GREP1: variants seen among roughly 807,000 people sequenced by gnomAD.
GREP1 encodes glycine rich extracellular protein 1.
chr16:2,990,499 C>T, intron 6 of GREP1, 53 bp from the exon 6 acceptor site: 1 of 399,434 alleles, frequency 2.5e-6, no homozygotes, highest in Non-Finnish European at 4.4e-6. Flanking sequence ...TGAGGCTCGC[C>T]CAGCCCCTGC....
rs2072393373 is a variant in GREP1, at chr16:2,990,547, C to T, written c.233-5C>T. ...TCCTGACTCCCTCCTGCCTTCTCGC[C>T]CCAGGGTTCAGGACCTTCGCAGGTG... On this transcript the variant is annotated splice_polypyrimidine_tract_variant and splice_region_variant and intron_variant, in intron 6 of 34. Transcript: ENST00000573315. 1 of 399,500 alleles carries T rather than the reference C, an allele frequency of 2.5e-6. No individual in the cohort carries two copies. The highest frequency in any genetic ancestry group is 3.6e-5 in the East Asian group (1 of 28,076). 24.7% of individuals were successfully genotyped at this position (399,500 alleles called of 1,614,324 possible). A position where few individuals can be genotyped will look rare whatever the true frequency, so the allele number is the denominator to read the frequency against.
At chr16:2,995,250 C>T (rs1017611471) in intron 13 of GREP1, 34 bp from the exon 15 acceptor site, 5 of 398,798 alleles carry the variant, frequency 1.3e-5, no homozygotes, top group African/African-American at 1.0e-4. Flanking sequence ...TTGGGGGCTC[C>T]TAGGTACCTC....
chr16:2,989,323 C>G lies in GREP1; in HGVS notation c.101-200C>G. 1 of 396,074 alleles carries G rather than the reference C, an allele frequency of 2.5e-6. No individual in the cohort carries two copies. Among genetic ancestry groups the G allele is most frequent in the East Asian group, 3.6e-5 (1 of 27,932 alleles). 24.5% of individuals were successfully genotyped at this position (396,074 alleles called of 1,614,324 possible). ...TCCTGTGACAGCAGGGAAACTGAGA[C>G]CTGGAAAGGGAGGTGGCATCCAGAT... On this transcript the variant is annotated intron_variant, in intron 2 of 34. Coordinates refer to ENST00000573315, the Ensembl canonical transcript of GREP1. The surrounding 1 kb of genome is among the most constrained non-coding windows in gnomAD (Gnocchi z 4.2).
exon 28 of GREP1, chr16:2,999,936 A>C (rs2072450341): frequency 7.5e-6 from 3 of 398,994 alleles, no homozygotes; most frequent in Non-Finnish European, 1.3e-5. Flanking sequence ...GACCGGGAGC[A>C]GAACCAGGTG....
At chr16:3,001,528 G>C (rs758095111) in intron 34 of GREP1, 33 bp from the exon 29 acceptor site, 1 of 399,086 alleles carries the variant, frequency 2.5e-6, no homozygotes, top group Non-Finnish European at 4.4e-6. Context: ...CCAGGGCCCC[G>C]CCCCTCCCTA....
In GREP1 at chr16:3,001,277, AC is replaced by A. The variant is rs2072460789; in HGVS notation, c.1532-3del. 3 of 399,134 alleles carry A rather than the reference AC, an allele frequency of 7.5e-6. No individual in the cohort carries two copies. The highest frequency in any genetic ancestry group is 7.1e-5 in the East Asian group (2 of 28,070). 24.7% of individuals were successfully genotyped at this position (399,134 alleles called of 1,614,324 possible). A position where few individuals can be genotyped will look rare whatever the true frequency, so the allele number is the denominator to read the frequency against. ...TGCTCCTGGTCTGTCTGTCTGTGCC[AC>A]AGGGGGCCCCGACGTGAAGAGAGGC... On this transcript the variant is annotated splice_polypyrimidine_tract_variant and splice_region_variant and intron_variant, in intron 33 of 34. Coordinates refer to ENST00000573315, the Ensembl canonical transcript of GREP1.
At chr16:3,001,908 A>C in exon 35 of GREP1, 2 of 345,214 alleles carry the variant, frequency 5.8e-6, no homozygotes, top group Non-Finnish European at 1.0e-5. Context: ...GTGACCGCCT[A>C]GCGGGGGAAC....
chr16:2,990,274 C>G (rs1458894155), intron 5 of GREP1, 152 bp downstream of exon 5: 1 of 397,972 alleles, frequency 2.5e-6, no homozygotes, highest in Non-Finnish European at 4.4e-6. Context: ...TCTTGTACCC[C>G]CACCTCAGCT....
chr16:3,001,768 C>G, exon 35 of GREP1: 2 of 397,412 alleles, frequency 5.0e-6, no homozygotes, highest in Non-Finnish European at 8.9e-6. Flanking sequence ...GCAGCCACCA[C>G]CCAGCACCTC....
intron 15 of GREP1, 48 bp from the exon 16 acceptor site, chr16:2,995,571 C>T: frequency 2.5e-6 from 1 of 398,734 alleles, no homozygotes; most frequent in East Asian, 3.6e-5. Flanking sequence ...CCCTTACCTC[C>T]ACCTCAACCA....
rs1242285218 is a variant in GREP1 at position 2,996,709 on chromosome 16, A to G, written c.745+4A>G. The G allele has an allele frequency of 3.5e-5, 14 of 398,792 alleles. No homozygotes were observed. In the East Asian group the frequency reaches 5.0e-4, roughly 14 times the overall value. The allele number at this position is 398,792 out of a possible 1,614,324, so 24.7% of individuals were successfully genotyped here. On this transcript the variant is annotated splice_donor_region_variant and intron_variant, in intron 20 of 34. Transcript: ENST00000573315. ...GGGATGAAGCCTCAGATGCCAGGTG[A>G]GGGGACTGCCTGTGTCTGTGGCCCC...
At chr16:2,998,751 A>G (rs1172571334) in intron 25 of GREP1, 97 bp from the exon 24 acceptor site, 1 of 398,784 alleles carries the variant, frequency 2.5e-6, no homozygotes, top group Non-Finnish European at 4.4e-6. Flanking sequence ...AGAAGCCACT[A>G]CAGGCCGGTG....
chr16:2,996,833 C>T (rs951656288), intron 20 of GREP1, 128 bp downstream of exon 19: 1 of 398,984 alleles, frequency 2.5e-6, no homozygotes, highest in South Asian at 1.3e-4. Flanking sequence ...GTAGGAGCAC[C>T]GAGGACCGAG....
At chr16:2,998,595 C>T (rs1380881296) in intron 25 of GREP1, 72 bp downstream of exon 23, 4 of 398,692 alleles carry the variant, frequency 1.0e-5, no homozygotes, top group African/African-American at 4.1e-5. Context: ...ACGGAGGGGC[C>T]TCCATCAGGA....
chr16:2,988,408 T>C, intron 1 of GREP1, 68 bp downstream of exon 1: 1 of 398,990 alleles, frequency 2.5e-6, no homozygotes, highest in Non-Finnish European at 4.4e-6. Context: ...GGGGTCCAAG[T>C]GGGGCCCTGG....
At chr16:2,999,825 C>A (rs2072449667) in intron 27 of GREP1, 77 bp from the exon 25 acceptor site, 2 of 398,976 alleles carry the variant, frequency 5.0e-6, no homozygotes, top group South Asian at 1.3e-4. Context: ...CCTTCAGAGT[C>A]CCTAAGGTCG....
At chr16:3,000,740 C>T (rs537357665) in exon 33 of GREP1, 20 of 398,830 alleles carry the variant, frequency 5.0e-5, no homozygotes, top group African/African-American at 1.2e-4. Context: ...GTGGAACTCT[C>T]GCTGGCCCAC....
At chr16:3,001,891 T>C in exon 35 of GREP1, 2 of 363,962 alleles carry the variant, frequency 5.5e-6, no homozygotes, top group Non-Finnish European at 9.8e-6. Context: ...AGGGAGGGCA[T>C]CACTTGGTGA....
chr16:2,999,507 G>A (rs2072447088), intron 27 of GREP1, among the ~76,000 whole-genome samples: 1 of 112,560 alleles, frequency 8.9e-6, no homozygotes, highest in Non-Finnish European at 1.7e-5. Context: ...TTTTTTTTGA[G>A]ACAGTCTCGC....
Sources: gnomAD v4.1 joint callset for allele counts (sites outside exome capture counted in the v4.1 genomes callset) on GRCh38, gnomAD v4.1.1 for gene constraint, Gnocchi (gnomAD v3.1) non-coding constraint, MANE v1.5 for transcripts, NCBI Gene and HGNC (gene_info 2026-07-23, HGNC 2026-07-21) for gene names.